LPGAT1: variants seen among roughly 807,000 people sequenced by gnomAD.
The protein encoded by LPGAT1 is lysophosphatidylglycerol acyltransferase 1.
A neutral mutation model predicts 47.5 loss-of-function variants in LPGAT1; 11 were observed. The ratio of observed to expected loss-of-function variants is 0.23; its 90% CI spans 0.15 to 0.38. LPGAT1 has a LOEUF of 0.38. LPGAT1 is among the 10% of genes least tolerant of loss of function. The pLI is 1.00. For missense variants in LPGAT1, 293 were observed against 439.0 expected (o/e 0.67, Z 2.97); for synonymous variants, 138 against 144.2 (o/e 0.96, Z 0.31).
rs572658674 is a variant in LPGAT1 at position 211,747,705 on chromosome 1, T to C, written c.*2194A>G. Reference sequence around the variant, plus strand: ...TAATCCCTCAAGTGAACAATTTCATTTCATCCAGTAATTTAGTGGTGCTTG... The same window carrying C: ...TAATCCCTCAAGTGAACAATTTCATCTCATCCAGTAATTTAGTGGTGCTTG... On this transcript the variant is annotated 3_prime_UTR_variant, in exon 8 of 8. Transcript: ENST00000366997. 1.3e-5 allele frequency: 2 copies of C among 152,302 alleles called. No homozygotes were observed. Among genetic ancestry groups the C allele is most frequent in the East Asian group, 3.9e-4 (2 of 5,188 alleles). The allele number at this position is 152,302 out of a possible 1,614,324, so 9.4% of individuals were successfully genotyped here.
At chr1:211,820,071 A>G (rs1660316530) in intron 2 of LPGAT1, among the ~76,000 whole-genome samples, 1 of 152,166 alleles carries the variant, frequency 6.6e-6, no homozygotes, top group South Asian at 2.1e-4. Flanking sequence ...GAAGGAGTGG[A>G]AAGTTCAGAA....
chr1:211,775,757 C>T (rs1022829819), intron 6 of LPGAT1, among the ~76,000 whole-genome samples: 3 of 151,566 alleles, frequency 2.0e-5, no homozygotes, highest in African/African-American at 7.3e-5. Flanking sequence ...GGAGAAACTC[C>T]ATCTCTACTA....
intron 2 of LPGAT1, among the ~76,000 whole-genome samples, chr1:211,824,342 G>A (rs1230012930): frequency 6.6e-6 from 1 of 152,184 alleles, no homozygotes; most frequent in African/African-American, 2.4e-5. Flanking sequence ...GTTGTCGTGA[G>A]CCAAGACTGT....
At chr1:211,789,656 C>T (rs991198449) in intron 3 of LPGAT1, among the ~76,000 whole-genome samples, 6 of 152,012 alleles carry the variant, frequency 3.9e-5, no homozygotes, top group East Asian at 1.9e-4. Flanking sequence ...CTGAGGTGGG[C>T]GGATCACGAG....
chr1:211,769,475 G>T (rs749695910), intron 6 of LPGAT1, among the ~76,000 whole-genome samples: 3 of 152,130 alleles, frequency 2.0e-5, no homozygotes, highest in Non-Finnish European at 2.9e-5. Flanking sequence ...GATCCAGCCC[G>T]CAAGAGAGGA....
intron 6 of LPGAT1, among the ~76,000 whole-genome samples, chr1:211,764,586 G>A (rs1186327983): frequency 6.6e-6 from 1 of 152,120 alleles, no homozygotes; most frequent in African/African-American, 2.4e-5. Flanking sequence ...TTTACTTTAA[G>A]CCATTATCCT....
intron 2 of LPGAT1, among the ~76,000 whole-genome samples, chr1:211,797,949 T>A (rs1313471432): frequency 6.6e-6 from 1 of 152,170 alleles, no homozygotes; most frequent in Non-Finnish European, 1.5e-5. Context: ...ATCTACTACA[T>A]ACACACAACA....
intron 6 of LPGAT1, among the ~76,000 whole-genome samples, chr1:211,768,215 C>T (rs1417172804): frequency 6.6e-6 from 1 of 152,150 alleles, no homozygotes; most frequent in Admixed American, 6.5e-5. Context: ...AAATGGTATG[C>T]ATTTGAAATG....
chr1:211,760,150 T>C (rs1336116750), intron 6 of LPGAT1, among the ~76,000 whole-genome samples: 1 of 152,202 alleles, frequency 6.6e-6, no homozygotes, highest in East Asian at 1.9e-4. Context: ...AATCCATCCA[T>C]GAAGTCTCTT....
intron 3 of LPGAT1, among the ~76,000 whole-genome samples, chr1:211,788,730 C>T (rs559420525): frequency 1.3e-5 from 2 of 151,436 alleles, no homozygotes; most frequent in African/African-American, 2.4e-5. Context: ...ATTAATGAAT[C>T]GGTTAATTGT....
Position 211,815,784 on chromosome 1 carries a change from T to TC in LPGAT1, c.238+13274_238+13275insG, listed in dbSNP as rs1158404535. Among the ~76,000 whole-genome samples, 4 of 141,384 alleles carry TC rather than the reference T, an allele frequency of 2.8e-5. No homozygotes were observed. The East Asian group carries it at 8.1e-4, about 28-fold the overall frequency. The allele number at this position is 141,384 out of a possible 152,430, so 92.8% of individuals were successfully genotyped here. On this transcript the variant is annotated intron_variant, in intron 2 of 7. Transcript: ENST00000366997. ...TGACAAATGCTTTTCTTTTTTTTTT[T>TC]TTTTTTTTTTTTGAGACTGAGTCTT...
intron 6 of LPGAT1, among the ~76,000 whole-genome samples, chr1:211,755,143 C>G (rs1428846870): frequency 6.6e-6 from 1 of 151,028 alleles, no homozygotes; most frequent in Admixed American, 6.6e-5. Flanking sequence ...TGAGACCATC[C>G]TGGCTAACAC....
chr1:211,758,887 T>C (rs1657573551), intron 6 of LPGAT1, among the ~76,000 whole-genome samples: 1 of 152,168 alleles, frequency 6.6e-6, no homozygotes, highest in Admixed American at 6.5e-5. Flanking sequence ...TATTTCCAAT[T>C]TGCTAAGAGT....
chr1:211,778,881 G>T, intron 6 of LPGAT1, 37 bp downstream of exon 6: 12 of 1,474,296 alleles, frequency 8.1e-6, no homozygotes, highest in Non-Finnish European at 1.1e-5. Context: ...AGGTAGTATT[G>T]TTGGATATAT....
At chr1:211,794,552 G>A (rs950940345) in intron 2 of LPGAT1, among the ~76,000 whole-genome samples, 2 of 151,974 alleles carry the variant, frequency 1.3e-5, no homozygotes, top group Non-Finnish European at 2.9e-5. Context: ...GCAATCCACC[G>A]GCTTCAGCCT....
intron 2 of LPGAT1, among the ~76,000 whole-genome samples, chr1:211,806,050 A>AT (rs1558278024): frequency 6.6e-6 from 1 of 152,168 alleles, no homozygotes; most frequent in Admixed American, 6.5e-5. Flanking sequence ...ACTTGAGGTC[A>AT]TAAGTTCGAG....
intron 3 of LPGAT1, among the ~76,000 whole-genome samples, chr1:211,791,855 G>T (rs1464941767): frequency 1.6e-4 from 24 of 149,298 alleles, no homozygotes; most frequent in Admixed American, 1.6e-3. Flanking sequence ...TTGATAAGAT[G>T]AATTGTATCT....
chr1:211,796,930 T>G (rs538208398), intron 2 of LPGAT1, among the ~76,000 whole-genome samples: 24 of 152,136 alleles, frequency 1.6e-4, no homozygotes, highest in Non-Finnish European at 3.5e-4. Flanking sequence ...CAAATGTCAA[T>G]TTACCAAGAC....
In LPGAT1 at chr1:211,830,446, C is replaced by T; in HGVS notation, c.-28+127G>A. 1 of 1,177,816 alleles carries T rather than the reference C, an allele frequency of 8.5e-7. No homozygotes were observed. The highest frequency in any genetic ancestry group is 1.1e-6 in the Non-Finnish European group (1 of 950,698). 73.0% of individuals were successfully genotyped at this position (1,177,816 alleles called of 1,614,324 possible). A position where few individuals can be genotyped will look rare whatever the true frequency, so the allele number is the denominator to read the frequency against. Reference sequence around the variant, plus strand: ...TCCTCCCCGGGGCCTACCGCGCCCTCGTCCCTCAGGCCGCTGCCGCCTCCC... The same window carrying T: ...TCCTCCCCGGGGCCTACCGCGCCCTTGTCCCTCAGGCCGCTGCCGCCTCCC... On this transcript the variant is annotated intron_variant, in intron 1 of 7. Coordinates refer to ENST00000366997, the MANE Select transcript of LPGAT1 (RefSeq NM_014873.3). The surrounding 1 kb of genome is among the most constrained non-coding windows in gnomAD (Gnocchi z 5.9).
Sources: gnomAD v4.1 joint callset for allele counts (sites outside exome capture counted in the v4.1 genomes callset) on GRCh38, gnomAD v4.1.1 for gene constraint, Gnocchi (gnomAD v3.1) non-coding constraint, MANE v1.5 for transcripts, NCBI Gene and HGNC (gene_info 2026-07-23, HGNC 2026-07-21) for gene names.